APPL2: variants seen among roughly 807,000 people sequenced by gnomAD.
APPL2 encodes the protein adaptor protein, phosphotyrosine interacting with PH domain and leucine zipper 2.
Under a neutral mutation model 92.7 loss-of-function variants are expected in APPL2, and 84 were observed. That is an observed-to-expected ratio of 0.91 (90% CI 0.76 to 1.09). APPL2 has a LOEUF of 1.09. Among genes scored for constraint, APPL2 ranks in the 50% least tolerant of loss-of-function variants. The pLI is 0.00. For missense variants in APPL2, 736 were observed against 824.5 expected (o/e 0.89, Z 1.31); for synonymous variants, 291 against 291.0 (o/e 1.00, Z 0.00).
In APPL2 at chr12:105,174,282, C is replaced by G. The variant is rs1193541471; in HGVS notation, c.*32G>C. 6.2e-7 allele frequency: 1 copy of G among 1,610,514 alleles called. No individual in the cohort carries two copies. The highest frequency in any genetic ancestry group is 2.2e-5 in the East Asian group (1 of 44,760). ...AACCCTTAGGAGGTAGCTCTCCTTC[C>G]TGTTTGCTCTTCCCCCACAGGCGCA... On this transcript the variant is annotated 3_prime_UTR_variant, in exon 21 of 21. Transcript: ENST00000258530.
Position 105,208,041 on chromosome 12 carries a change from C to CA in APPL2, c.416-13dup. 6.2e-7 allele frequency: 1 copy of CA among 1,614,116 alleles called. No individual in the cohort carries two copies. The highest frequency in any genetic ancestry group is 8.5e-7 in the Non-Finnish European group (1 of 1,179,990). On this transcript the variant is annotated splice_polypyrimidine_tract_variant and intron_variant, in intron 6 of 20. Transcript: ENST00000258530. Reference sequence around the variant, plus strand: ...TGAGAGGTCATGCTCTAAAAATAAACAGACATCTGAACACCCAGGAGGGTC... The same window carrying CA: ...TGAGAGGTCATGCTCTAAAAATAAACAAGACATCTGAACACCCAGGAGGGTC...
At chr12:105,197,727 T>C (rs1023667670) in intron 11 of APPL2, 38 bp downstream of exon 11, 7 of 1,612,618 alleles carry the variant, frequency 4.3e-6, no homozygotes, top group Admixed American at 3.3e-5. Context: ...GGAACCACTA[T>C]ACTCATTCTC....
At chr12:105,230,377 G>A (rs1334707211) in intron 1 of APPL2, among the ~76,000 whole-genome samples, 1 of 152,038 alleles carries the variant, frequency 6.6e-6, no homozygotes, top group East Asian at 1.9e-4. Flanking sequence ...GGTGCACAGA[G>A]GCAGATCTAC....
chr12:105,176,778 T>C, intron 19 of APPL2, 98 bp downstream of exon 19: 1 of 1,454,788 alleles, frequency 6.9e-7, no homozygotes, highest in South Asian at 1.3e-5. Context: ...ACATGCAGAA[T>C]AATCAACTAA....
chr12:105,179,820 G>T (rs1028265836), intron 17 of APPL2, among the ~76,000 whole-genome samples: 2 of 152,066 alleles, frequency 1.3e-5, no homozygotes, highest in Admixed American at 6.5e-5. Flanking sequence ...TTTTGACGGG[G>T]TTGTTTTATT....
At position 105,217,121 on chromosome 12, in the gene APPL2, C is replaced by T; in HGVS notation, c.233G>A (p.Gly78Asp). The T allele has an allele frequency of 6.2e-7, 1 of 1,610,732 alleles. No homozygotes were observed. The highest frequency in any genetic ancestry group is 8.5e-7 in the Non-Finnish European group (1 of 1,177,734). Residue 78 changes from glycine to aspartate, a missense_variant, in exon 4 of 21, where the codon GGT (glycine) becomes GAT (aspartate). Transcript: ENST00000258530. ...GAGTGTTGAAATTACTTCTTCATCA[C>T]CTTTGCCAAGAGCAAAGTTCTAAGA... ...YEKQNFALGKGDEEVISTLHY... is the reference protein window; with the variant it reads ...YEKQNFALGKDDEEVISTLHY...
At chr12:105,176,668 C>T in intron 19 of APPL2, 1 of 581,774 alleles carries the variant, frequency 1.7e-6, no homozygotes, top group East Asian at 2.9e-5. Flanking sequence ...TCCTCATTCA[C>T]CCTATTCTGG....
At chr12:105,201,106 A>AC (rs1888167029) in intron 9 of APPL2, among the ~76,000 whole-genome samples, 1 of 151,992 alleles carries the variant, frequency 6.6e-6, no homozygotes, top group South Asian at 2.1e-4. Flanking sequence ...AAGGGGTTTC[A>AC]CCATGTTGGC....
chr12:105,208,208 G>C lies in APPL2; in HGVS notation c.374-9C>G. The C allele has an allele frequency of 6.2e-7, 1 of 1,614,144 alleles. No individual in the cohort carries two copies. Among genetic ancestry groups the C allele is most frequent in the Non-Finnish European group, 8.5e-7 (1 of 1,179,996 alleles). Reference sequence around the variant, plus strand: ...CTTTAAAGTGCTTACTTCTGAAAAGGAGAAAAGGGACCGTCTTAGAGCAAT... The same window carrying C: ...CTTTAAAGTGCTTACTTCTGAAAAGCAGAAAAGGGACCGTCTTAGAGCAAT... On this transcript the variant is annotated splice_polypyrimidine_tract_variant and intron_variant, in intron 5 of 20. Coordinates refer to ENST00000258530, the MANE Select transcript of APPL2 (RefSeq NM_018171.5).
intron 17 of APPL2, among the ~76,000 whole-genome samples, chr12:105,181,005 A>AG (rs746676591): frequency 2.6e-5 from 4 of 152,188 alleles, no homozygotes; most frequent in Non-Finnish European, 5.9e-5. Flanking sequence ...TATGTTGAAT[A>AG]GGAGTGGTGA....
chr12:105,176,355 TCTC>T, intron 19 of APPL2: 1 of 540,598 alleles, frequency 1.8e-6, no homozygotes, highest in Non-Finnish European at 3.2e-6. Flanking sequence ...GAATTTTTCT[TCTC>T]TCTCTTAAAT....
chr12:105,197,098 A>AACCCTGAAGCCCCTCCATGGG (rs906242800), intron 11 of APPL2, among the ~76,000 whole-genome samples: 17 of 152,154 alleles, frequency 1.1e-4, no homozygotes, highest in East Asian at 5.8e-4. Flanking sequence ...CAGGCAGGTG[A>AACCCTGAAGCCCCTCCATGGG]ACCCTGAAGC....
chr12:105,184,548 C>G (rs1432515423), intron 17 of APPL2, among the ~76,000 whole-genome samples: 1 of 152,212 alleles, frequency 6.6e-6, no homozygotes, highest in Admixed American at 6.5e-5. Flanking sequence ...TGAAGGTACA[C>G]TCCGGACTCT....
chr12:105,208,088 T>A, intron 6 of APPL2, 59 bp from the exon 7 acceptor site: 11 of 1,613,130 alleles, frequency 6.8e-6, no homozygotes, highest in Non-Finnish European at 8.5e-6. Flanking sequence ...GGAAGAACAT[T>A]CATTGGGGGT....
chr12:105,179,436 G>A (rs1048658309), intron 17 of APPL2, among the ~76,000 whole-genome samples: 6 of 152,202 alleles, frequency 3.9e-5, no homozygotes, highest in African/African-American at 1.4e-4. Context: ...GAATAGTGGT[G>A]CAATACACAT....
intron 17 of APPL2, among the ~76,000 whole-genome samples, chr12:105,184,794 C>A (rs1886442433): frequency 6.6e-6 from 1 of 152,214 alleles, no homozygotes; most frequent in South Asian, 2.1e-4. Flanking sequence ...TGCTGGGAGA[C>A]CTGCTGCTCT....
At chr12:105,231,339 G>T (rs773310910) in intron 1 of APPL2, among the ~76,000 whole-genome samples, 2 of 152,182 alleles carry the variant, frequency 1.3e-5, no homozygotes, top group Non-Finnish European at 2.9e-5. Context: ...CCACAAAGAG[G>T]GTAGAAAGAA....
intron 6 of APPL2, 41 bp downstream of exon 6, chr12:105,208,117 A>AGCCCACAC (rs1228186562): frequency 2.8e-5 from 45 of 1,613,922 alleles, no homozygotes; most frequent in Non-Finnish European, 3.4e-5. Flanking sequence ...CGCCACAGTA[A>AGCCCACAC]GCCCACACAC....
At chr12:105,211,353 T>C in intron 4 of APPL2, 36 bp from the exon 5 acceptor site, 1 of 1,402,524 alleles carries the variant, frequency 7.1e-7, no homozygotes, top group Non-Finnish European at 1.0e-6. Context: ...GTAAATTAAA[T>C]ACATTATTAT....
Sources: allele counts gnomAD v4.1 joint callset (sites outside exome capture counted in the v4.1 genomes callset), GRCh38; gene constraint gnomAD v4.1.1; transcripts MANE v1.5; gene names NCBI Gene and HGNC (gene_info 2026-07-23, HGNC 2026-07-21).